The following NAMPT variants were observed in gnomAD, a reference collection of about 807,000 sequenced individuals.
The protein encoded by NAMPT is NAmPRTase.
Under a neutral mutation model 58.7 loss-of-function variants are expected in NAMPT, and 7 were observed. The ratio of observed to expected loss-of-function variants is 0.12; its 90% CI spans 0.07 to 0.22. NAMPT has a LOEUF of 0.22. NAMPT is among the 10% of genes least tolerant of loss of function. NAMPT has a pLI of 1.00. For synonymous variants in NAMPT, 145 were observed against 198.1 expected, an observed-to-expected ratio of 0.73 and a Z score of 2.25; for missense variants, 271 against 567.9, an observed-to-expected ratio of 0.48 and a Z score of 5.31.
At position 106,254,519 on chromosome 7, in the gene NAMPT, C is replaced by G; in HGVS notation, c.1090-15G>C. ...CCTTCTACAATCTAGAAGATTAAAA[C>G]AAAACAAAACCAAACCAAACCTTAA... On this transcript the variant is annotated splice_polypyrimidine_tract_variant and intron_variant, in intron 8 of 10. Transcript: ENST00000222553. 6.2e-7 allele frequency: 1 copy of G among 1,611,582 alleles called. No individual in the cohort carries two copies. The highest frequency in any genetic ancestry group is 1.1e-5 in the South Asian group (1 of 91,012).
chr7:106,267,607 C>T (rs1197817612), intron 6 of NAMPT, among the ~76,000 whole-genome samples: 4 of 151,574 alleles, frequency 2.6e-5, no homozygotes, highest in Admixed American at 6.6e-5. Context: ...TTTGGGAGGC[C>T]GAGGCAGGCG....
intron 1 of NAMPT, among the ~76,000 whole-genome samples, chr7:106,282,109 C>T (rs974076506): frequency 2.0e-5 from 3 of 152,046 alleles, no homozygotes; most frequent in Non-Finnish European, 4.4e-5. Flanking sequence ...TCATGAGGCT[C>T]AGGTTGACTC....
At position 106,248,579 on chromosome 7, in the gene NAMPT, T is replaced by TAAA. The variant is rs963531861; in HGVS notation, c.*2501_*2503dup. ...AAGAAGGGAAAACAAGGGATACTCA[T>TAAA]AAAAAACATTTTACTTTAATTATAG... On this transcript the variant is annotated 3_prime_UTR_variant, in exon 11 of 11. Transcript: ENST00000222553. 4.6e-5 allele frequency: 7 copies of TAAA among 152,162 alleles called. No individual in the cohort carries two copies. Among genetic ancestry groups the TAAA allele is most frequent in the African/African-American group, 1.7e-4 (7 of 41,424 alleles). 9.4% of individuals were successfully genotyped at this position (152,162 alleles called of 1,614,324 possible). A position where few individuals can be genotyped will look rare whatever the true frequency, so the allele number is the denominator to read the frequency against.
chr7:106,285,231 C>G (rs1377466752), upstream of NAMPT: 3 of 997,238 alleles, frequency 3.0e-6, no homozygotes, highest in Non-Finnish European at 3.7e-6. Context: ...GGGAGGAGGA[C>G]GTGATGCACG....
At chr7:106,280,684 G>A (rs1792744502) in intron 1 of NAMPT, among the ~76,000 whole-genome samples, 1 of 152,150 alleles carries the variant, frequency 6.6e-6, no homozygotes, top group Admixed American at 6.5e-5. Context: ...GCTCATGCCT[G>A]TAATCCCAGC....
intron 1 of NAMPT, among the ~76,000 whole-genome samples, chr7:106,282,116 A>C (rs897896958): frequency 2.0e-5 from 3 of 152,164 alleles, no homozygotes; most frequent in Admixed American, 1.3e-4. Flanking sequence ...GCTCAGGTTG[A>C]CTCAGGAGCC....
At chr7:106,284,354 A>AG (rs1336504849) in intron 1 of NAMPT, 1 of 135,348 alleles carries the variant, frequency 7.4e-6, no homozygotes, top group African/African-American at 2.8e-5. Flanking sequence ...TTACCTGCCC[A>AG]GCCAGGGGCG....
At chr7:106,258,423 G>A (rs1306167680) in intron 8 of NAMPT, among the ~76,000 whole-genome samples, 4 of 152,130 alleles carry the variant, frequency 2.6e-5, no homozygotes, top group East Asian at 3.9e-4. Flanking sequence ...TCTGAGATTC[G>A]TATACATCAA....
rs6466096 is a variant in NAMPT, at chr7:106,257,209, T to C, written c.1090-2705A>G. On this transcript the variant is annotated intron_variant, in intron 8 of 10. Transcript: ENST00000222553. ...TACATCTGCATTAACACAAAACGAT[T>C]CAATCCTCTAATTGTTCTGTTTAAG... is the stretch of plus-strand genomic sequence containing the variant. 9.4e-3 allele frequency among the ~76,000 whole-genome samples: 1,427 copies of C among 152,134 alleles called. 33 individuals are homozygous for C. The highest frequency in any genetic ancestry group is 0.033 in the African/African-American group (1,360 of 41,504).
chr7:106,274,474 CTT>C (rs1792595974), intron 3 of NAMPT, among the ~76,000 whole-genome samples: 1 of 151,984 alleles, frequency 6.6e-6, no homozygotes, highest in Non-Finnish European at 1.5e-5. Flanking sequence ...TATAATATAA[CTT>C]TTCAAAAGGA....
intron 6 of NAMPT, among the ~76,000 whole-genome samples, chr7:106,267,840 CAAAAAAAAAAAAAAAAAAAAAAAAA>C (rs769070307): frequency 9.0e-5 from 3 of 33,174 alleles, no homozygotes; most frequent in East Asian, 1.2e-3. Context: ...GACTCCGTCT[CAAAAAAAAAAAAAAAAAAAAAAAAA>C]AAAAAAAAAA....
chr7:106,257,742 G>A (rs996981629), intron 8 of NAMPT, among the ~76,000 whole-genome samples: 2 of 152,206 alleles, frequency 1.3e-5, no homozygotes, highest in African/African-American at 4.8e-5. Context: ...GTACCTGACT[G>A]AACACCCAAC....
chr7:106,251,609 G>T (rs781498964), intron 10 of NAMPT, among the ~76,000 whole-genome samples: 6 of 152,004 alleles, frequency 3.9e-5, no homozygotes, highest in Non-Finnish European at 7.4e-5. Context: ...ACTCAACAGT[G>T]ATTAAACTTA....
chr7:106,252,025 G>C (rs201798806), intron 10 of NAMPT, among the ~76,000 whole-genome samples: 2 of 152,044 alleles, frequency 1.3e-5, no homozygotes, highest in African/African-American at 2.4e-5. Context: ...TTTAGCTGTA[G>C]CATTTTCTTT....
rs528238261 is a variant in NAMPT at position 106,250,957 on chromosome 7, A to T, written c.*126T>A. On this transcript the variant is annotated 3_prime_UTR_variant, in exon 11 of 11. Transcript: ENST00000222553. The stretch of plus-strand genomic sequence containing the variant: ...TAAACACTGGAAAAGAAAAAAAATG[A>T]AAGGGCAGTATGTCCATAAACCAAC... 35 of 670,428 alleles carry T rather than the reference A, an allele frequency of 5.2e-5. No homozygotes were observed. In the South Asian group the frequency reaches 5.4e-4, roughly 10 times the overall value. 41.5% of individuals were successfully genotyped at this position (670,428 alleles called of 1,614,324 possible). A position where few individuals can be genotyped will look rare whatever the true frequency, so the allele number is the denominator to read the frequency against.
chr7:106,266,990 C>T (rs1792426289), intron 6 of NAMPT, among the ~76,000 whole-genome samples: 1 of 152,194 alleles, frequency 6.6e-6, no homozygotes, highest in Non-Finnish European at 1.5e-5. Context: ...TGTTTCAGCC[C>T]TTATTCTCTA....
rs938770711 is a variant in NAMPT, at chr7:106,254,630, A to C, written c.1090-126T>G. 3.8e-6 allele frequency: 4 copies of C among 1,062,496 alleles called. No homozygotes were observed. The African/African-American group carries it at 6.4e-5, about 17-fold the overall frequency. The allele number at this position is 1,062,496 out of a possible 1,614,324, so 65.8% of individuals were successfully genotyped here. A position where few individuals can be genotyped will look rare whatever the true frequency, so the allele number is the denominator to read the frequency against. On this transcript the variant is annotated intron_variant, in intron 8 of 10. Transcript: ENST00000222553. ...TGTTTTATAACACGGTCAATAAATA[A>C]TTATAGCCCGCATTTTGTTTTTAAA...
At position 106,250,812 on chromosome 7, in the gene NAMPT, G is replaced by A; in HGVS notation, c.*271C>T. On this transcript the variant is annotated 3_prime_UTR_variant, in exon 11 of 11. Coordinates refer to ENST00000222553, the MANE Select transcript of NAMPT (RefSeq NM_005746.3). ...TTATATATAAAAGTTTCTCAGTTCT[G>A]TTATTTGTGAAAAGATCAATACCAG... The A allele has an allele frequency of 2.7e-6, 1 of 372,878 alleles. No homozygotes were observed. The highest frequency in any genetic ancestry group is 4.4e-5 in the South Asian group (1 of 22,730). The allele number at this position is 372,878 out of a possible 1,614,324, so 23.1% of individuals were successfully genotyped here.
Position 106,266,575 on chromosome 7 carries a change from T to C in NAMPT, c.743+1889A>G, listed in dbSNP as rs1046847847. 1.0e-4 allele frequency among the ~76,000 whole-genome samples: 15 copies of C among 149,428 alleles called. No individual in the cohort carries two copies. In the East Asian group the frequency reaches 1.2e-3, roughly 12 times the overall value. Reference sequence around the variant, plus strand: ...GCTCATAAACGTCAGCTGAATCTATTTTCTACTGAGTCCCAACTCAAATTA... The same window carrying C: ...GCTCATAAACGTCAGCTGAATCTATCTTCTACTGAGTCCCAACTCAAATTA... On this transcript the variant is annotated intron_variant, in intron 6 of 10. Coordinates refer to ENST00000222553, the MANE Select transcript of NAMPT (RefSeq NM_005746.3).
Sources: allele counts gnomAD v4.1 joint callset (sites outside exome capture counted in the v4.1 genomes callset), GRCh38; gene constraint gnomAD v4.1.1; transcripts MANE v1.5; gene names NCBI Gene and HGNC (gene_info 2026-07-23, HGNC 2026-07-21).